Variants in SAMD5 observed in about 807,000 individuals in gnomAD.
The protein encoded by SAMD5 is sterile alpha motif domain containing 5, also known as sterile alpha motif domain-containing protein 5.
SAMD5 carries 13 observed loss-of-function variants against 11.3 expected under a neutral mutation model. The observed-to-expected ratio is 1.15, with a 90% confidence interval of 0.75 to 1.83. The LOEUF (loss-of-function observed/expected upper bound fraction) is 1.83. Among genes scored for constraint, SAMD5 ranks in the 40% most tolerant of loss-of-function variants. SAMD5 has a pLI of 0.00. For synonymous variants in SAMD5, 129 were observed against 111.3 expected (o/e 1.16, Z -1.00); for missense variants, 255 against 239.1 (o/e 1.07, Z -0.44).
rs192321426 is a variant in SAMD5 at position 147,588,135 on chromosome 6, C to T, written c.162+78748C>T. Among the ~76,000 whole-genome samples, 223 of 151,346 alleles carry T rather than the reference C, an allele frequency of 1.5e-3. 5 individuals are homozygous for T. The South Asian group carries it at 0.034, about 23-fold the overall frequency. The stretch of plus-strand genomic sequence containing the variant: ...CAGTTGAAGGCTAAGGAACAAAGTC[C>T]AGGGTACAGTCACTTAAATCTCCCT... On this transcript the variant is annotated intron_variant, in intron 1 of 1. Transcript: ENST00000566741.
chr6:147,876,485 C>T, the SAMD5 span, among the ~76,000 whole-genome samples: 1 of 152,208 alleles, frequency 6.6e-6, no homozygotes, highest in Non-Finnish European at 1.5e-5. Flanking sequence ...CCATGATTCT[C>T]AGTTCACTAA....
the SAMD5 span, among the ~76,000 whole-genome samples, chr6:147,748,440 T>C: frequency 3.1e-4 from 48 of 152,384 alleles, no homozygotes; most frequent in Admixed American, 1.0e-3. Flanking sequence ...GTTGTAATGT[T>C]TGAATGACTT....
chr6:147,929,960 A>G, the SAMD5 span, among the ~76,000 whole-genome samples: 2 of 152,166 alleles, frequency 1.3e-5, no homozygotes, highest in Non-Finnish European at 2.9e-5. Flanking sequence ...ATGTGAGGAA[A>G]AATCCTTTAT....
the SAMD5 span, among the ~76,000 whole-genome samples, chr6:147,873,764 T>C: frequency 2.0e-5 from 3 of 152,210 alleles, no homozygotes; most frequent in Non-Finnish European, 2.9e-5. Context: ...AATTAAAATA[T>C]TCAGTACTTT....
intron 1 of SAMD5, among the ~76,000 whole-genome samples, chr6:147,563,498 A>G (rs999927781): frequency 6.6e-6 from 1 of 152,204 alleles, no homozygotes; most frequent in Admixed American, 6.5e-5. Flanking sequence ...CAAAATTTCC[A>G]GGAAAGACTC....
chr6:147,699,400 T>G (rs1440348764), intron 1 of SAMD5, among the ~76,000 whole-genome samples: 1 of 152,240 alleles, frequency 6.6e-6, no homozygotes. Context: ...CACCTACTTG[T>G]ACTGTAGTAT....
intron 1 of SAMD5, among the ~76,000 whole-genome samples, chr6:147,656,402 T>C (rs1790569017): frequency 6.6e-6 from 1 of 152,104 alleles, no homozygotes; most frequent in Non-Finnish European, 1.5e-5. Flanking sequence ...ACAAACTATC[T>C]ACTCAAAATG....
intron 1 of SAMD5, among the ~76,000 whole-genome samples, chr6:147,517,423 C>A (rs1393977178): frequency 6.6e-6 from 1 of 152,220 alleles, no homozygotes; most frequent in East Asian, 1.9e-4. Context: ...TCTCAGCTTC[C>A]ATCGTAGTGG....
chr6:147,951,070 A>G, the SAMD5 span, among the ~76,000 whole-genome samples: 175 of 151,242 alleles, frequency 1.2e-3, no homozygotes, highest in African/African-American at 4.1e-3. Context: ...TTCTCCCTCA[A>G]TTCTGACCTT....
intron 1 of SAMD5, among the ~76,000 whole-genome samples, chr6:147,549,084 T>C (rs1788728291): frequency 6.6e-6 from 1 of 152,172 alleles, no homozygotes; most frequent in Non-Finnish European, 1.5e-5. Context: ...AGCTGACCCA[T>C]ACTGGATTTG....
chr6:147,782,701 T>C, the SAMD5 span, among the ~76,000 whole-genome samples: 1 of 152,252 alleles, frequency 6.6e-6, no homozygotes, highest in African/African-American at 2.4e-5. Context: ...TTAAAAATCA[T>C]GTGCCCTGAC....
chr6:147,673,779 CT>C (rs1285349375), intron 1 of SAMD5, among the ~76,000 whole-genome samples: 1 of 151,724 alleles, frequency 6.6e-6, no homozygotes, highest in African/African-American at 2.4e-5. Context: ...TCACCTATAT[CT>C]AGAGTGTTGT....
the SAMD5 span, among the ~76,000 whole-genome samples, chr6:147,764,020 A>G: frequency 6.6e-6 from 1 of 152,198 alleles, no homozygotes; most frequent in Admixed American, 6.5e-5. Flanking sequence ...TTTGAGAGAT[A>G]TTTCTTTAAG....
intron 1 of SAMD5, among the ~76,000 whole-genome samples, chr6:147,697,513 A>G (rs917983845): frequency 1.3e-4 from 20 of 152,214 alleles, no homozygotes; most frequent in African/African-American, 4.8e-4. Context: ...ACATGTTTCC[A>G]GTGGAAAATG....
chr6:147,850,181 G>T, the SAMD5 span, among the ~76,000 whole-genome samples: 1 of 152,252 alleles, frequency 6.6e-6, no homozygotes, highest in East Asian at 1.9e-4. Context: ...AACCTAGCAA[G>T]TGTTATGGTC....
chr6:147,932,129 T>C, the SAMD5 span, among the ~76,000 whole-genome samples: 1 of 152,230 alleles, frequency 6.6e-6, no homozygotes, highest in Non-Finnish European at 1.5e-5. Flanking sequence ...TTTATCATTA[T>C]ATATAGCATA....
chr6:147,803,236 GT>G, the SAMD5 span, among the ~76,000 whole-genome samples: 1 of 147,796 alleles, frequency 6.8e-6, no homozygotes, highest in East Asian at 2.1e-4. Context: ...GATTGTATAT[GT>G]TTCTTCGTTG....
the SAMD5 span, among the ~76,000 whole-genome samples, chr6:147,855,892 C>G: frequency 6.6e-6 from 1 of 152,288 alleles, no homozygotes; most frequent in Non-Finnish European, 1.5e-5. Context: ...TAAAAATACA[C>G]CTACCATATG....
intron 1 of SAMD5, among the ~76,000 whole-genome samples, chr6:147,715,184 C>G (rs1222008519): frequency 6.6e-6 from 1 of 152,192 alleles, no homozygotes; most frequent in South Asian, 2.1e-4. Flanking sequence ...TGGGCTTGTT[C>G]CACCCTCTTG....
Sources: gnomAD v4.1 joint callset for allele counts (sites outside exome capture counted in the v4.1 genomes callset) on GRCh38, gnomAD v4.1.1 for gene constraint, MANE v1.5 for transcripts, NCBI Gene and HGNC (gene_info 2026-07-23, HGNC 2026-07-21) for gene names.